DDC: variants seen among roughly 807,000 people sequenced by gnomAD.
DDC encodes aromatic-L-amino-acid decarboxylase.
Under a neutral mutation model 60.0 loss-of-function variants are expected in DDC, and 43 were observed. The ratio of observed to expected loss-of-function variants is 0.72; its 90% CI spans 0.56 to 0.92. DDC has a LOEUF of 0.92. Ranked by LOEUF, DDC falls within the 40% of genes least tolerant of loss-of-function variation. The probability of loss-of-function intolerance (pLI) is 0.00; values close to 1 mark genes in which losing one functional copy is unlikely to be tolerated. For synonymous variants in DDC, 232 were observed against 234.6 expected, an observed-to-expected ratio of 0.99 and a Z score of 0.10; for missense variants, 573 against 620.2, an observed-to-expected ratio of 0.92 and a Z score of 0.81.
At chr7:50,522,831 T>TG (rs143932025) in intron 6 of DDC, among the ~76,000 whole-genome samples, 2,568 of 152,178 alleles carry the variant, frequency 0.017, 61 homozygotes, top group African/African-American at 0.059. Context: ...GAAGCATGGC[T>TG]GGGGGGGCCT....
At chr7:50,560,401 A>T (rs2045315484) in intron 1 of DDC, among the ~76,000 whole-genome samples, 1 of 152,162 alleles carries the variant, frequency 6.6e-6, no homozygotes, top group Non-Finnish European at 1.5e-5. Flanking sequence ...GTGACCTCAC[A>T]CTTTCCTCCC....
intron 1 of DDC, among the ~76,000 whole-genome samples, chr7:50,558,047 A>T (rs2045240337): frequency 6.6e-6 from 1 of 151,908 alleles, no homozygotes; most frequent in Non-Finnish European, 1.5e-5. Context: ...TTTATTGAAG[A>T]GTTATGTCAG....
At chr7:50,484,156 A>G (rs1026873126) in intron 9 of DDC, among the ~76,000 whole-genome samples, 1 of 152,188 alleles carries the variant, frequency 6.6e-6, no homozygotes, top group African/African-American at 2.4e-5. Context: ...TTTCTACTAC[A>G]AGTTAATCTG....
intron 9 of DDC, among the ~76,000 whole-genome samples, chr7:50,489,749 T>G (rs1202041684): frequency 3.9e-5 from 6 of 152,222 alleles, no homozygotes. Flanking sequence ...TCTCTATAAA[T>G]TAAACACTAA....
chr7:50,545,838 T>TAGGGATGGACTCACA (rs2044789078), intron 1 of DDC, among the ~76,000 whole-genome samples: 1 of 152,216 alleles, frequency 6.6e-6, no homozygotes, highest in Non-Finnish European at 1.5e-5. Flanking sequence ...CCAACAGCAC[T>TAGGGATGGACTCACA]GTAACTCCTG....
intron 1 of DDC, among the ~76,000 whole-genome samples, chr7:50,551,938 G>A (rs557538087): frequency 2.4e-4 from 37 of 152,206 alleles, no homozygotes; most frequent in African/African-American, 8.7e-4. Flanking sequence ...GACTCAGAAG[G>A]GGTAGCTGGG....
At chr7:50,526,663 C>T (rs1224120223) in intron 6 of DDC, among the ~76,000 whole-genome samples, 3 of 152,112 alleles carry the variant, frequency 2.0e-5, no homozygotes, top group African/African-American at 4.8e-5. Flanking sequence ...AAATATCAAT[C>T]GTCACACTGG....
At chr7:50,503,468 T>C (rs1486573481) in intron 7 of DDC, among the ~76,000 whole-genome samples, 1 of 152,192 alleles carries the variant, frequency 6.6e-6, no homozygotes, top group Non-Finnish European at 1.5e-5. Context: ...GAGGTGAGAG[T>C]GACCAGGAAA....
intron 6 of DDC, among the ~76,000 whole-genome samples, chr7:50,525,596 TC>T (rs1487235890): frequency 6.6e-6 from 1 of 151,968 alleles, no homozygotes; most frequent in Non-Finnish European, 1.5e-5. Context: ...AGACCCCGTC[TC>T]CACTAGAAAT....
In DDC at chr7:50,499,076, T is replaced by A. The variant is rs185019451; in HGVS notation, c.876+72A>T. On this transcript the variant is annotated intron_variant, in intron 8 of 14. Transcript: ENST00000444124. ...CAATAGCAAGAGACTGGACGTCAGC[T>A]CCTCATGAAGGGAGAGGTCAATAAC... The A allele has an allele frequency of 2.1e-3, 2,522 of 1,174,112 alleles. 4 individuals are homozygous for A. Among genetic ancestry groups the A allele is most frequent in the Non-Finnish European group, 2.9e-3 (2,265 of 779,508 alleles). The allele number at this position is 1,174,112 out of a possible 1,614,324, so 72.7% of individuals were successfully genotyped here.
intron 6 of DDC, among the ~76,000 whole-genome samples, chr7:50,514,355 T>A (rs184033894): frequency 6.6e-6 from 1 of 152,128 alleles, no homozygotes; most frequent in Non-Finnish European, 1.5e-5. Context: ...ATATTCCCCC[T>A]GACAGAGCCT....
intron 14 of DDC, 77 bp downstream of exon 14, chr7:50,463,136 G>A: frequency 8.4e-7 from 1 of 1,190,132 alleles, no homozygotes; most frequent in Non-Finnish European, 1.2e-6. Context: ...TGGGCCTGTA[G>A]CTGGGTCTGG....
intron 1 of DDC, among the ~76,000 whole-genome samples, chr7:50,558,872 T>G (rs2045265630): frequency 6.6e-6 from 1 of 152,156 alleles, no homozygotes; most frequent in Admixed American, 6.5e-5. Flanking sequence ...TCCTGCCTGG[T>G]TCACTGCACA....
At chr7:50,484,483 C>T (rs1303369178) in intron 9 of DDC, among the ~76,000 whole-genome samples, 1 of 152,146 alleles carries the variant, frequency 6.6e-6, no homozygotes, top group Admixed American at 6.6e-5. Context: ...TCAGTATTTG[C>T]AGCTTCCCAT....
At chr7:50,501,143 C>T (rs3779081) in intron 7 of DDC, among the ~76,000 whole-genome samples, 14,457 of 152,242 alleles carry the variant, frequency 0.095, 1,067 homozygotes, top group South Asian at 0.12. Context: ...AGGCTCACAC[C>T]CCTCCAGCTT....
intron 9 of DDC, among the ~76,000 whole-genome samples, chr7:50,484,651 A>G (rs2042842765): frequency 6.6e-6 from 1 of 152,168 alleles, no homozygotes; most frequent in Non-Finnish European, 1.5e-5. Flanking sequence ...GAGGACATAC[A>G]TGGGCACACA....
chr7:50,465,517 A>G (rs2042375485), intron 13 of DDC, among the ~76,000 whole-genome samples: 1 of 152,090 alleles, frequency 6.6e-6, no homozygotes, highest in South Asian at 2.1e-4. Flanking sequence ...GATTACAAGC[A>G]TGTGCCACCA....
intron 12 of DDC, among the ~76,000 whole-genome samples, chr7:50,469,440 C>A (rs2042480280): frequency 6.6e-6 from 1 of 152,038 alleles, no homozygotes; most frequent in Admixed American, 6.5e-5. Context: ...GAATATCTAT[C>A]TTATTCTGGC....
chr7:50,511,303 T>G (rs532246632), intron 6 of DDC, among the ~76,000 whole-genome samples: 1 of 111,920 alleles, frequency 8.9e-6, no homozygotes, highest in Non-Finnish European at 1.8e-5. Context: ...CGACTTTTTT[T>G]AACAAAATTA....
Sources: gnomAD v4.1 joint callset for allele counts (sites outside exome capture counted in the v4.1 genomes callset) on GRCh38, gnomAD v4.1.1 for gene constraint, MANE v1.5 for transcripts, NCBI Gene and HGNC (gene_info 2026-07-23, HGNC 2026-07-21) for gene names.